Variants in DOT1L observed in about 807,000 individuals in gnomAD.
DOT1L encodes histone-lysine N-methyltransferase, H3 lysine-79 specific.
Under a neutral mutation model 153.3 loss-of-function variants are expected in DOT1L, and 33 were observed. The observed-to-expected ratio is 0.22, with a 90% confidence interval of 0.16 to 0.29. DOT1L has a LOEUF of 0.29. DOT1L is among the 10% of genes least tolerant of loss of function. The probability of loss-of-function intolerance (pLI) is 1.00; values close to 1 mark genes in which losing one functional copy is unlikely to be tolerated. For missense variants in DOT1L, 1,847 were observed against 2,119.9 expected (o/e 0.87, Z 2.53); for synonymous variants, 1,135 against 965.1 (o/e 1.18, Z -3.26).
intron 8 of DOT1L, among the ~76,000 whole-genome samples, chr19:2,200,683 C>T (rs2023219443): frequency 1.3e-5 from 2 of 152,136 alleles, no homozygotes; most frequent in African/African-American, 4.8e-5. Context: ...ACTCTTTGTC[C>T]TCTCTGCGCC....
chr19:2,166,513 G>A (rs2019928700), intron 1 of DOT1L, among the ~76,000 whole-genome samples: 1 of 136,590 alleles, frequency 7.3e-6, no homozygotes, highest in Non-Finnish European at 1.7e-5. Flanking sequence ...CCGGGTTCAA[G>A]CGATTCTCCT....
intron 1 of DOT1L, among the ~76,000 whole-genome samples, chr19:2,165,019 C>T (rs1193715487): frequency 6.6e-6 from 1 of 152,202 alleles, no homozygotes; most frequent in Non-Finnish European, 1.5e-5. Context: ...AAATGACAGG[C>T]CGGGTGGAAT....
At chr19:2,188,494 C>A (rs79586982) in intron 3 of DOT1L, among the ~76,000 whole-genome samples, 28 of 117,634 alleles carry the variant, frequency 2.4e-4, no homozygotes, top group East Asian at 2.3e-3. Context: ...CCCCCCCCCC[C>A]ACCCGCACAG....
rs2023815774 is a variant in DOT1L, at chr19:2,214,107, G to A, written c.1797+121G>A. 4 of 1,425,856 alleles carry A rather than the reference G, an allele frequency of 2.8e-6. No individual in the cohort carries two copies. The East Asian group carries it at 7.5e-5, about 27-fold the overall frequency. 88.3% of individuals were successfully genotyped at this position (1,425,856 alleles called of 1,614,324 possible). A position where few individuals can be genotyped will look rare whatever the true frequency, so the allele number is the denominator to read the frequency against. On this transcript the variant is annotated intron_variant, in intron 18 of 27. Coordinates refer to ENST00000398665, the MANE Select transcript of DOT1L (RefSeq NM_032482.3). ...GCCTCTGTTGTGGGGTTTGTTCCCA[G>A]ACGAATTGCGCCACCTGTGAAAGCT...
At position 2,205,045 on chromosome 19, in the gene DOT1L, A is replaced by C. The variant is rs148796908; in HGVS notation, c.788-1684A>C. Among the ~76,000 whole-genome samples the C allele has an allele frequency of 2.2e-4, 34 of 151,152 alleles. No individual in the cohort carries two copies. In the East Asian group the frequency reaches 3.9e-3, roughly 17 times the overall value. On this transcript the variant is annotated intron_variant, in intron 9 of 27. Transcript: ENST00000398665. ...GAGTGCAGTGGCGCAGTTTCTGGTCACTGCAAGCTCCGCCTCCCAGGTTCA... is the reference window on the plus strand; with the variant it reads ...GAGTGCAGTGGCGCAGTTTCTGGTCCCTGCAAGCTCCGCCTCCCAGGTTCA...
chr19:2,172,251 G>A (rs541267176), intron 1 of DOT1L, among the ~76,000 whole-genome samples: 38 of 151,182 alleles, frequency 2.5e-4, no homozygotes, highest in African/African-American at 8.0e-4. Context: ...GTGCAGTGGC[G>A]CGATCTCTGC....
chr19:2,213,480 C>G, intron 16 of DOT1L, 59 bp from the exon 17 acceptor site: 1 of 1,549,200 alleles, frequency 6.5e-7, no homozygotes, highest in Non-Finnish European at 8.9e-7. Context: ...GTGGGCCCTC[C>G]CTGTGGGCCC....
At chr19:2,186,229 G>GA (rs2022502126) in intron 3 of DOT1L, among the ~76,000 whole-genome samples, 2 of 152,276 alleles carry the variant, frequency 1.3e-5, no homozygotes, top group South Asian at 2.1e-4. Context: ...CTGACGGCCA[G>GA]AAGTCCGCGT....
chr19:2,191,274 A>C lies in DOT1L; in HGVS notation c.493+34A>C, dbSNP rs1368566452. 6 of 1,603,176 alleles carry C rather than the reference A, an allele frequency of 3.7e-6. No homozygotes were observed. The South Asian group carries it at 6.6e-5, about 18-fold the overall frequency. ...CGCCCGCCATGCCCGGCTCCTGTGC[A>C]CTTCCAGGCCACACGCTCTGTGCCT... On this transcript the variant is annotated intron_variant, in intron 5 of 27. Coordinates refer to ENST00000398665, the MANE Select transcript of DOT1L (RefSeq NM_032482.3). The surrounding 1 kb of genome is among the most constrained non-coding windows in gnomAD (Gnocchi z 6.8).
chr19:2,190,950 G>T lies in DOT1L; in HGVS notation c.265-62G>T. Reference sequence around the variant, plus strand: ...TCCGCTGGGAAAGGTCCCGGGTCTTGGTGGTGGAGGGGCTGGGCCGTGAGG... The same window carrying T: ...TCCGCTGGGAAAGGTCCCGGGTCTTTGTGGTGGAGGGGCTGGGCCGTGAGG... On this transcript the variant is annotated intron_variant, in intron 4 of 27. Transcript: ENST00000398665. This position sits in a 1 kb window ranked among gnomAD's most constrained non-coding sequence, Gnocchi z 4.8. The T allele has an allele frequency of 1.9e-6, 1 of 513,056 alleles. No individual in the cohort carries two copies. Among genetic ancestry groups the T allele is most frequent in the Non-Finnish European group, 2.8e-6 (1 of 353,292 alleles). 31.8% of individuals were successfully genotyped at this position (513,056 alleles called of 1,614,324 possible). A position where few individuals can be genotyped will look rare whatever the true frequency, so the allele number is the denominator to read the frequency against.
At chr19:2,202,623 G>A (rs946667694) in intron 8 of DOT1L, 77 bp from the exon 9 acceptor site, 2 of 1,439,942 alleles carry the variant, frequency 1.4e-6, no homozygotes, top group Non-Finnish European at 2.0e-6. Flanking sequence ...ACCGACAGCA[G>A]CGGTTGTTGG....
chr19:2,214,154 C>A, intron 18 of DOT1L, 168 bp downstream of exon 18: 1 of 1,189,442 alleles, frequency 8.4e-7, no homozygotes, highest in Non-Finnish European at 1.1e-6. Flanking sequence ...TCACAGCAGG[C>A]AGGCCTGGGC....
In DOT1L at chr19:2,230,710, T is replaced by C. The variant is rs570736479; in HGVS notation, c.*918T>C. On this transcript the variant is annotated 3_prime_UTR_variant, in exon 28 of 28. Transcript: ENST00000398665. ...AGATTTGACAGCTTTTATTTTTAGA[T>C]GGTATAATGCACAGTGAAGAGGAAA... is the stretch of plus-strand genomic sequence containing the variant. 6.3e-5 allele frequency: 25 copies of C among 397,758 alleles called. No individual in the cohort carries two copies. The highest frequency in any genetic ancestry group is 4.9e-4 in the African/African-American group (24 of 48,722). The allele number at this position is 397,758 out of a possible 1,614,324, so 24.6% of individuals were successfully genotyped here. A position where few individuals can be genotyped will look rare whatever the true frequency, so the allele number is the denominator to read the frequency against.
intron 2 of DOT1L, among the ~76,000 whole-genome samples, chr19:2,183,001 A>C (rs12609327): frequency 0.49 from 74,256 of 151,738 alleles, 18,390 homozygotes; most frequent in Middle Eastern, 0.53. Context: ...AACCCCCACC[A>C]CCTGGAGAGG....
intron 1 of DOT1L, among the ~76,000 whole-genome samples, chr19:2,177,469 GTAT>G (rs1277010256): frequency 6.6e-6 from 1 of 151,782 alleles, no homozygotes; most frequent in African/African-American, 2.4e-5. Context: ...GCTAATTTTT[GTAT>G]TATTAGTACT....
intron 1 of DOT1L, among the ~76,000 whole-genome samples, chr19:2,178,387 AAAT>A (rs2022058614): frequency 6.6e-6 from 1 of 150,862 alleles, no homozygotes; most frequent in African/African-American, 2.4e-5. Context: ...AAAAAACAAA[AAAT>A]CTCCAAAACA....
At chr19:2,224,211 C>T (rs1391137841) in intron 25 of DOT1L, among the ~76,000 whole-genome samples, 33 of 152,202 alleles carry the variant, frequency 2.2e-4, no homozygotes, top group Admixed American at 2.2e-3. Flanking sequence ...CGGTTGTGAG[C>T]AGCACTGCTG....
Position 2,230,906 on chromosome 19 carries a change from C to T in DOT1L, c.*1114C>T, listed in dbSNP as rs1204787682. 8 of 297,404 alleles carry T rather than the reference C, an allele frequency of 2.7e-5. No homozygotes were observed. The East Asian group carries it at 4.0e-4, about 15-fold the overall frequency. 18.4% of individuals were successfully genotyped at this position (297,404 alleles called of 1,614,324 possible). ...TCAGGGCCACGCCTGGCACCCATCC[C>T]TTGGAGCCTGTGCTGGTTCTCCCAG... On this transcript the variant is annotated 3_prime_UTR_variant, in exon 28 of 28. Coordinates refer to ENST00000398665, the MANE Select transcript of DOT1L (RefSeq NM_032482.3).
rs2144832582 is a variant in DOT1L at position 2,210,759 on chromosome 19, A to T, written c.1255A>T (p.Thr419Ser). Residue 419 changes from threonine to serine, a missense_variant, in exon 14 of 28, where the codon ACT becomes TCT. Thr to Ser is a moderately conservative substitution (Grantham distance 58, BLOSUM62 1). Transcript: ENST00000398665. Reference protein sequence around the residue: ...RKRGRPKKMNTANPERKPKKN... With the variant: ...RKRGRPKKMNSANPERKPKKN... ...GCGCGGGCGCCCCAAGAAGATGAACACTGCGAACCCCGAGCGGAAGCCCAA... is the reference window on the plus strand; with the variant it reads ...GCGCGGGCGCCCCAAGAAGATGAACTCTGCGAACCCCGAGCGGAAGCCCAA... 6.2e-7 allele frequency: 1 copy of T among 1,613,110 alleles called. No homozygotes were observed. Among genetic ancestry groups the T allele is most frequent in the Non-Finnish European group, 8.5e-7 (1 of 1,179,998 alleles).
Sources: allele counts gnomAD v4.1 joint callset (sites outside exome capture counted in the v4.1 genomes callset), GRCh38; gene constraint gnomAD v4.1.1; non-coding constraint Gnocchi (gnomAD v3.1); transcripts MANE v1.5; gene names NCBI Gene and HGNC (gene_info 2026-07-23, HGNC 2026-07-21).